Variants in SLC39A12 observed in about 807,000 individuals in gnomAD.
SLC39A12 encodes solute carrier family 39 member 12.
A neutral mutation model predicts 71.1 loss-of-function variants in SLC39A12; 63 were observed. The ratio of observed to expected loss-of-function variants is 0.89; its 90% confidence interval spans 0.72 to 1.09. SLC39A12 has a LOEUF of 1.09. SLC39A12 is among the 50% of genes least tolerant of loss of function. SLC39A12 has a pLI of 0.00. For synonymous variants in SLC39A12, 351 were observed against 301.3 expected, an observed-to-expected ratio of 1.16 and a Z score of -1.71; for missense variants, 892 against 812.6, an observed-to-expected ratio of 1.10 and a Z score of -1.19.
At chr10:18,037,178 G>T (rs769476243) in intron 12 of SLC39A12, among the ~76,000 whole-genome samples, 7 of 151,980 alleles carry the variant, frequency 4.6e-5, no homozygotes, top group Admixed American at 2.6e-4. Context: ...TCTTTTGCCT[G>T]ATTTTCTGTT....
intron 12 of SLC39A12, among the ~76,000 whole-genome samples, chr10:18,012,612 T>C (rs1239795588): frequency 2.0e-5 from 3 of 152,146 alleles, no homozygotes; most frequent in Admixed American, 1.3e-4. Flanking sequence ...CTCGCGCCTG[T>C]AATCCCAGCA....
intron 8 of SLC39A12, among the ~76,000 whole-genome samples, chr10:17,992,317 T>C (rs982935177): frequency 3.3e-5 from 5 of 152,176 alleles, no homozygotes; most frequent in Non-Finnish European, 5.9e-5. Context: ...TACAATTCTT[T>C]CAGCTTTCTA....
intron 10 of SLC39A12, among the ~76,000 whole-genome samples, chr10:17,997,022 C>CAAAAAAAAAAAAAAA (rs71924913): frequency 8.7e-6 from 1 of 115,516 alleles, no homozygotes. Context: ...GACTCCGTCT[C>CAAAAAAAAAAAAAAA]AAAAAAAAAA....
chr10:17,983,146 G>A (rs1835306074), intron 6 of SLC39A12, among the ~76,000 whole-genome samples: 1 of 133,360 alleles, frequency 7.5e-6, no homozygotes, highest in Non-Finnish European at 1.5e-5. Context: ...TCCAGCCTGG[G>A]CGACAAAGCG....
chr10:18,022,177 A>C (rs962257702), intron 12 of SLC39A12, among the ~76,000 whole-genome samples: 2 of 152,292 alleles, frequency 1.3e-5, no homozygotes, highest in Admixed American at 6.5e-5. Flanking sequence ...CCCTGTAGTA[A>C]GGTTGAAGAA....
chr10:17,960,445 T>C (rs1834658908), intron 2 of SLC39A12, among the ~76,000 whole-genome samples: 2 of 152,182 alleles, frequency 1.3e-5, no homozygotes. Context: ...CTGATTCCCT[T>C]CAACAAAATC....
intron 12 of SLC39A12, among the ~76,000 whole-genome samples, chr10:18,011,689 G>A (rs1292256362): frequency 2.6e-5 from 4 of 151,826 alleles, no homozygotes; most frequent in South Asian, 2.1e-4. Context: ...TTCCCCTAAG[G>A]AAAAAAAGGA....
At chr10:18,010,220 C>G (rs1048695102) in intron 12 of SLC39A12, among the ~76,000 whole-genome samples, 1 of 152,164 alleles carries the variant, frequency 6.6e-6, no homozygotes, top group Non-Finnish European at 1.5e-5. Flanking sequence ...AATCCTTTCT[C>G]CATCCAAAAG....
chr10:17,982,715 G>A (rs1380452179), intron 6 of SLC39A12, among the ~76,000 whole-genome samples: 3 of 118,604 alleles, frequency 2.5e-5, no homozygotes, highest in African/African-American at 8.3e-5. Flanking sequence ...GCACCTAGGA[G>A]CATCCCTGGG....
At chr10:18,029,667 T>TA (rs376990756) in intron 12 of SLC39A12, among the ~76,000 whole-genome samples, 190 of 152,224 alleles carry the variant, frequency 1.2e-3, no homozygotes, top group African/African-American at 4.4e-3. Flanking sequence ...CCTCTACTCT[T>TA]AGAGTATAAA....
Position 17,953,467 on chromosome 10 carries a change from T to G in SLC39A12, c.191T>G (p.Leu64Arg), listed in dbSNP as rs1554847393. 1.2e-6 allele frequency: 2 copies of G among 1,614,034 alleles called. No individual in the cohort carries two copies. The highest frequency in any genetic ancestry group is 1.7e-6 in the Non-Finnish European group (2 of 1,180,030). ...DHPPHNHSRSLIKTLLEKTGC... is the reference protein window; with the variant it reads ...DHPPHNHSRSRIKTLLEKTGC... ...CCACCCCACAACCACTCAAGAAGCCTCATCAAAACATTGTTGGAGAAAACT... is the reference window on the plus strand; with the variant it reads ...CCACCCCACAACCACTCAAGAAGCCGCATCAAAACATTGTTGGAGAAAACT... The change falls in exon 2 of 13, where the codon CTC becomes CGC. Residue 64 changes from leucine (L) to arginine (R), a missense_variant. By Grantham distance (102) the Leu-to-Arg change is moderately radical. Transcript: ENST00000377369.
At chr10:18,034,575 C>T (rs536230231) in intron 12 of SLC39A12, among the ~76,000 whole-genome samples, 5 of 151,010 alleles carry the variant, frequency 3.3e-5, no homozygotes, top group African/African-American at 1.2e-4. Flanking sequence ...GAATACAGCA[C>T]ACTGATGGGT....
At chr10:18,000,177 C>T (rs966437269) in intron 10 of SLC39A12, among the ~76,000 whole-genome samples, 2 of 152,314 alleles carry the variant, frequency 1.3e-5, no homozygotes, top group Admixed American at 1.3e-4. Context: ...AACTCCTTGG[C>T]ATCTCTTTTA....
At chr10:17,952,142 GT>G (rs1834416072) in intron 1 of SLC39A12, 117 bp downstream of exon 1, 1 of 152,162 alleles carries the variant, frequency 6.6e-6, no homozygotes, top group Admixed American at 6.5e-5. Flanking sequence ...CAGTACCTTT[GT>G]TACTAGCCCA....
intron 1 of SLC39A12, among the ~76,000 whole-genome samples, chr10:17,952,232 C>A (rs1288381922): frequency 2.6e-5 from 4 of 152,094 alleles, no homozygotes; most frequent in African/African-American, 4.8e-5. Context: ...AAGCCATCAA[C>A]AGAAAGATAA....
intron 10 of SLC39A12, among the ~76,000 whole-genome samples, chr10:17,997,336 A>G (rs1466154532): frequency 1.3e-5 from 2 of 152,246 alleles, no homozygotes; most frequent in Non-Finnish European, 2.9e-5. Context: ...TTTTAGATAC[A>G]TTAACTCATG....
intron 4 of SLC39A12, among the ~76,000 whole-genome samples, chr10:17,976,478 C>A (rs752059572): frequency 6.6e-6 from 1 of 152,122 alleles, no homozygotes. Flanking sequence ...AGTGCAGTGG[C>A]GCCATCTCAG....
intron 4 of SLC39A12, among the ~76,000 whole-genome samples, chr10:17,967,838 G>A (rs762626521): frequency 6.7e-6 from 1 of 149,232 alleles, no homozygotes; most frequent in Non-Finnish European, 1.5e-5. Context: ...AGTGAGCTGA[G>A]TTCCCGCCAC....
At chr10:18,034,791 G>A (rs1294421737) in intron 12 of SLC39A12, among the ~76,000 whole-genome samples, 1 of 150,048 alleles carries the variant, frequency 6.7e-6, no homozygotes. Context: ...GGTACCGGTT[G>A]TTCCTTTCCA....
Sources: gnomAD v4.1 joint callset for allele counts (sites outside exome capture counted in the v4.1 genomes callset) on GRCh38, gnomAD v4.1.1 for gene constraint, MANE v1.5 for transcripts, NCBI Gene and HGNC (gene_info 2026-07-23, HGNC 2026-07-21) for gene names.